The following TWSG1 variants were observed in gnomAD, a reference collection of about 807,000 sequenced individuals.
TWSG1 encodes twisted gastrulation BMP signaling modulator 1.
Under a neutral mutation model 23.0 loss-of-function variants are expected in TWSG1, and 15 were observed. The ratio of observed to expected loss-of-function variants is 0.65; its 90% CI spans 0.44 to 1.00. The LOEUF is 1.00. Among genes scored for constraint, TWSG1 ranks in the 50% least tolerant of loss-of-function variants. The pLI is 0.00. For missense variants in TWSG1, 242 were observed against 278.7 expected (o/e 0.87, Z 0.94); for synonymous variants, 86 against 92.8 (o/e 0.93, Z 0.42).
intron 2 of TWSG1, among the ~76,000 whole-genome samples, chr18:9,353,607 T>C (rs2040511642): frequency 6.6e-6 from 1 of 152,246 alleles, no homozygotes; most frequent in Middle Eastern, 3.2e-3. Context: ...ACATCTAGCA[T>C]AGTTATTTAC....
chr18:9,363,155 A>G (rs75532026), intron 3 of TWSG1, among the ~76,000 whole-genome samples: 1,966 of 152,210 alleles, frequency 0.013, 18 homozygotes, highest in Non-Finnish European at 0.021. Context: ...TTCAGCACAT[A>G]CTTTCTCTAG....
At chr18:9,365,022 A>T (rs1442441333) in intron 3 of TWSG1, among the ~76,000 whole-genome samples, 1 of 152,174 alleles carries the variant, frequency 6.6e-6, no homozygotes, top group Non-Finnish European at 1.5e-5. Flanking sequence ...TTTAATGTGC[A>T]TTAAAAGTTG....
chr18:9,375,920 C>CTT (rs535999368), intron 3 of TWSG1, among the ~76,000 whole-genome samples: 19 of 148,514 alleles, frequency 1.3e-4, no homozygotes, highest in African/African-American at 4.2e-4. Context: ...CATCTATAGA[C>CTT]TTTTTTTTTT....
intron 3 of TWSG1, among the ~76,000 whole-genome samples, chr18:9,383,296 C>G (rs918476923): frequency 6.7e-6 from 1 of 149,498 alleles, no homozygotes; most frequent in Non-Finnish European, 1.5e-5. Flanking sequence ...CAGGTTCAAA[C>G]GATTCTCCTG....
chr18:9,372,515 C>CTGTA (rs1412522719), intron 3 of TWSG1, among the ~76,000 whole-genome samples: 1 of 147,812 alleles, frequency 6.8e-6, no homozygotes, highest in Non-Finnish European at 1.5e-5. Context: ...GGGACAACTA[C>CTGTA]TGTATGTATA....
At chr18:9,388,510 T>G (rs939730628) in intron 3 of TWSG1, 1 of 152,208 alleles carries the variant, frequency 6.6e-6, no homozygotes, top group South Asian at 2.1e-4. Flanking sequence ...GTTATCAAGT[T>G]TGTCATATAG....
At chr18:9,385,929 G>C (rs1444893981) in intron 3 of TWSG1, among the ~76,000 whole-genome samples, 1 of 152,138 alleles carries the variant, frequency 6.6e-6, no homozygotes, top group Non-Finnish European at 1.5e-5. Flanking sequence ...AGCACTTTGG[G>C]AGGCCAAGGC....
chr18:9,379,962 T>C (rs2040648640), intron 3 of TWSG1, among the ~76,000 whole-genome samples: 1 of 152,228 alleles, frequency 6.6e-6, no homozygotes, highest in Admixed American at 6.5e-5. Flanking sequence ...CTTTTAAAAC[T>C]TGATGCTTCT....
intron 3 of TWSG1, among the ~76,000 whole-genome samples, chr18:9,389,404 T>G (rs924767949): frequency 9.9e-5 from 15 of 152,100 alleles, no homozygotes; most frequent in African/African-American, 3.4e-4. Flanking sequence ...TTAGAAAGAG[T>G]AGTAGACATG....
rs1301961356 is a variant in TWSG1 at position 9,399,393 on chromosome 18, C to T, written c.538C>T (p.Gln180Ter). The change falls in exon 5 of 5, where the codon CAG (glutamine) becomes TAG (stop). Residue 180 changes from glutamine to a stop codon, truncating the protein, a stop_gained. Coordinates refer to ENST00000262120, the MANE Select transcript of TWSG1 (RefSeq NM_020648.6). LOFTEE classifies it high-confidence loss of function. Reference protein sequence around the residue: ...VYFDDCMSIHQCKISCESMGA... With the variant: ...VYFDDCMSIH ...TTTTGATGACTGCATGTCCATACAT[C>T]AGTGTAAAATATCCTGTGAGTCCAT... 1 of 1,613,662 alleles carries T rather than the reference C, an allele frequency of 6.2e-7. No homozygotes were observed. The highest frequency in any genetic ancestry group is 1.7e-5 in the Admixed American group (1 of 59,916).
At chr18:9,385,358 A>G (rs950597132) in intron 3 of TWSG1, among the ~76,000 whole-genome samples, 1 of 152,208 alleles carries the variant, frequency 6.6e-6, no homozygotes, top group Non-Finnish European at 1.5e-5. Context: ...CAGCCTAATG[A>G]CTAGATGCGA....
chr18:9,377,367 A>C (rs143918754), intron 3 of TWSG1, among the ~76,000 whole-genome samples: 13,778 of 151,730 alleles, frequency 0.091, 710 homozygotes, highest in African/African-American at 0.1. Flanking sequence ...TACAGGCATG[A>C]GCCACCACGC....
intron 3 of TWSG1, among the ~76,000 whole-genome samples, chr18:9,379,175 T>C (rs930822338): frequency 6.6e-5 from 10 of 152,212 alleles, no homozygotes; most frequent in African/African-American, 2.4e-4. Flanking sequence ...CTACTCAGTA[T>C]ATACCCAAAG....
At position 9,396,147 on chromosome 18, in the gene TWSG1, C is replaced by CAA. The variant is rs58754446; in HGVS notation, c.224-112_224-111dup. On this transcript the variant is annotated intron_variant, in intron 3 of 4. Transcript: ENST00000262120. Reference sequence around the variant, plus strand: ...AATATCATCATTTAGGCTCACCCAGCAAAAAAAAAAAAAAAAAAAAAAGGT... The same window carrying CAA: ...AATATCATCATTTAGGCTCACCCAGCAAAAAAAAAAAAAAAAAAAAAAAAGGT... The CAA allele has an allele frequency of 3.9e-3, 1,846 of 472,128 alleles. 3 individuals carry two copies. The highest frequency in any genetic ancestry group is 0.016 in the East Asian group (432 of 26,706). 29.2% of individuals were successfully genotyped at this position (472,128 alleles called of 1,614,324 possible). A position where few individuals can be genotyped will look rare whatever the true frequency, so the allele number is the denominator to read the frequency against.
intron 3 of TWSG1, among the ~76,000 whole-genome samples, chr18:9,384,943 G>A (rs569236518): frequency 2.6e-5 from 4 of 152,216 alleles, no homozygotes; most frequent in Admixed American, 1.3e-4. Flanking sequence ...CACCACACCC[G>A]GCCCAGATGT....
At chr18:9,370,275 G>A (rs1598828776) in intron 3 of TWSG1, among the ~76,000 whole-genome samples, 2 of 151,724 alleles carry the variant, frequency 1.3e-5, no homozygotes, top group Admixed American at 1.3e-4. Context: ...CCAAGATCAT[G>A]CCACTGCACT....
Position 9,399,550 on chromosome 18 carries a change from C to T in TWSG1, c.*23C>T. On this transcript the variant is annotated 3_prime_UTR_variant, in exon 5 of 5. Transcript: ENST00000262120. ...TAAAGAAGACAAATGCAAACCAAAG[C>T]AACTTAGTAAAATAATAGGTATAAA... The T allele has an allele frequency of 6.3e-7, 1 of 1,576,016 alleles. No individual in the cohort carries two copies.
intron 2 of TWSG1, among the ~76,000 whole-genome samples, chr18:9,347,134 G>A (rs2040480991): frequency 6.6e-6 from 1 of 152,184 alleles, no homozygotes; most frequent in Non-Finnish European, 1.5e-5. Flanking sequence ...TGGGTGAGGT[G>A]TCTGTTAAGA....
At chr18:9,372,748 A>G (rs149666974) in intron 3 of TWSG1, among the ~76,000 whole-genome samples, 98 of 151,972 alleles carry the variant, frequency 6.4e-4, no homozygotes, top group African/African-American at 2.3e-3. Flanking sequence ...GACAACCACT[A>G]AAAAAAGTAG....
Sources: gnomAD v4.1 joint callset for allele counts (sites outside exome capture counted in the v4.1 genomes callset) on GRCh38, gnomAD v4.1.1 for gene constraint, MANE v1.5 for transcripts, NCBI Gene and HGNC (gene_info 2026-07-23, HGNC 2026-07-21) for gene names.